ARHGEF17: variants seen among roughly 807,000 people sequenced by gnomAD.
ARHGEF17 encodes the protein Rho guanine nucleotide exchange factor 17.
ARHGEF17 carries 80 observed loss-of-function variants against 174.0 expected under a neutral mutation model. The ratio of observed to expected loss-of-function variants is 0.46; its 90% CI spans 0.38 to 0.55. The LOEUF (loss-of-function observed/expected upper bound fraction) is 0.55, where lower values mean the gene tolerates loss of function less well. ARHGEF17 is among the 20% of genes least tolerant of loss of function. The pLI, the probability that ARHGEF17 is intolerant of heterozygous loss-of-function variation, is 0.00. For synonymous variants in ARHGEF17, 1,311 were observed against 1,189.1 expected, an observed-to-expected ratio of 1.10 and a Z score of -2.11; for missense variants, 2,886 against 2,839.7, an observed-to-expected ratio of 1.02 and a Z score of -0.37.
intron 1 of ARHGEF17, among the ~76,000 whole-genome samples, chr11:73,316,879 G>C (rs1864937210): frequency 6.6e-6 from 1 of 152,238 alleles, no homozygotes; most frequent in Admixed American, 6.5e-5. Flanking sequence ...TGTGAGGCCA[G>C]TCAGAAGGCT....
chr11:73,310,053 T>G lies in ARHGEF17; in HGVS notation c.1415T>G (p.Leu472Arg). The G allele has an allele frequency of 6.2e-7, 1 of 1,614,162 alleles. No homozygotes were observed. The highest frequency in any genetic ancestry group is 8.5e-7 in the Non-Finnish European group (1 of 1,180,022). ...AATCCAGATATCGCCTCAGAGACCCTGACGCTTCTCAGTTTCCTGCGCTCA... is the reference window on the plus strand; with the variant it reads ...AATCCAGATATCGCCTCAGAGACCCGGACGCTTCTCAGTTTCCTGCGCTCA... ...LSNPDIASET[L>R]TLLSFLRSDL... The change falls in exon 1 of 21, where the codon CTG (leucine) becomes CGG (arginine). Residue 472 changes from leucine (L) to arginine (R), a missense_variant. By Grantham distance (102) the Leu-to-Arg change is moderately radical. Transcript: ENST00000263674.
intron 9 of ARHGEF17, among the ~76,000 whole-genome samples, chr11:73,358,208 G>A (rs1565207161): frequency 6.6e-6 from 1 of 152,184 alleles, no homozygotes; most frequent in Non-Finnish European, 1.5e-5. Context: ...TCTTCAGGCT[G>A]TTTTAACAAA....
At chr11:73,358,841 A>G (rs1323351922) in intron 9 of ARHGEF17, among the ~76,000 whole-genome samples, 1 of 152,176 alleles carries the variant, frequency 6.6e-6, no homozygotes, top group Non-Finnish European at 1.5e-5. Flanking sequence ...CATTCAGGCA[A>G]CAGCAGAGCT....
Position 73,363,614 on chromosome 11 carries a change from G to T in ARHGEF17, c.5247-133G>T, listed in dbSNP as rs576825888. On this transcript the variant is annotated intron_variant, in intron 15 of 20. Coordinates refer to ENST00000263674, the MANE Select transcript of ARHGEF17 (RefSeq NM_014786.4). ...CAGTGGGTCTGACAATCCCAGGGAG[G>T]CTGTGGGACCTCAGTACCTTGGGCA... The T allele has an allele frequency of 4.0e-6, 6 of 1,491,314 alleles. No homozygotes were observed. In the Admixed American group the frequency reaches 9.1e-5, roughly 23 times the overall value. 92.4% of individuals were successfully genotyped at this position (1,491,314 alleles called of 1,614,324 possible). A position where few individuals can be genotyped will look rare whatever the true frequency, so the allele number is the denominator to read the frequency against.
rs750522045 is a variant in ARHGEF17, at chr11:73,359,944, C to T, written c.4198C>T (p.Pro1400Ser). The change falls in exon 10 of 21, where the codon CCC becomes TCC. Residue 1400 changes from proline (P) to serine (S), a missense_variant. Pro to Ser is a moderately conservative substitution (Grantham distance 74). Coordinates refer to ENST00000263674, the MANE Select transcript of ARHGEF17 (RefSeq NM_014786.4). ...CAAGCTCTCTGAGAGCCTTGGTTTC[C>T]CCCACCAGGTCTGTGCCCTCTGCCT... is the stretch of plus-strand genomic sequence containing the variant. ...MSKLSESLGF[P>S]HQSLDDALRD... is the part of the protein sequence containing the mutation. 1.9e-6 allele frequency: 3 copies of T among 1,609,008 alleles called. No individual in the cohort carries two copies. In the South Asian group the frequency reaches 3.3e-5, roughly 18 times the overall value.
intron 6 of ARHGEF17, 83 bp downstream of exon 6, chr11:73,356,434 C>T: frequency 2.7e-6 from 4 of 1,469,300 alleles, no homozygotes; most frequent in Non-Finnish European, 2.7e-6. Context: ...TCTGTGGCCA[C>T]CTGGAATCGT....
intron 2 of ARHGEF17, among the ~76,000 whole-genome samples, chr11:73,351,578 C>G (rs1216685505): frequency 1.3e-5 from 2 of 152,150 alleles, no homozygotes; most frequent in African/African-American, 4.8e-5. Flanking sequence ...CCTCCCTGCT[C>G]TATCTTCACA....
intron 3 of ARHGEF17, 152 bp downstream of exon 3, chr11:73,353,164 C>A: frequency 9.8e-7 from 1 of 1,019,106 alleles, no homozygotes; most frequent in Non-Finnish European, 1.4e-6. Flanking sequence ...TTGGTACTTA[C>A]CCCAGCCCCT....
Position 73,311,612 on chromosome 11 carries a change from A to G in ARHGEF17, c.2974A>G (p.Thr992Ala). ...VAVPEPIGFP[T>A]RAHPTLQAPS... The stretch of plus-strand genomic sequence containing the variant: ...TGTGCCAGAACCCATAGGCTTCCCT[A>G]CCCGAGCCCATCCCACGTTGCAGGC... The change falls in exon 1 of 21, where the codon ACC (threonine) becomes GCC (alanine). Residue 992 changes from threonine to alanine, a missense_variant. Physicochemically the swap from Thr to Ala is moderately conservative, Grantham distance 58. This residue lies in a region of ARHGEF17 where 1,728 missense variants were observed against 1,461.2 expected (regional missense o/e 1.18). Coordinates refer to ENST00000263674, the MANE Select transcript of ARHGEF17 (RefSeq NM_014786.4). 6.2e-7 allele frequency: 1 copy of G among 1,612,798 alleles called. No individual in the cohort carries two copies. The highest frequency in any genetic ancestry group is 8.5e-7 in the Non-Finnish European group (1 of 1,179,780).
At chr11:73,344,415 C>T (rs916665500) in intron 1 of ARHGEF17, among the ~76,000 whole-genome samples, 3 of 152,208 alleles carry the variant, frequency 2.0e-5, no homozygotes, top group African/African-American at 4.8e-5. Flanking sequence ...GCATTTGCAG[C>T]GTCAGCCTCC....
chr11:73,319,804 G>C (rs1161572109), intron 1 of ARHGEF17, among the ~76,000 whole-genome samples: 1 of 152,220 alleles, frequency 6.6e-6, no homozygotes, highest in Non-Finnish European at 1.5e-5. Context: ...GCCTCCTGAG[G>C]TGGGTGAGGT....
In ARHGEF17 at chr11:73,311,363, C is replaced by T; in HGVS notation, c.2725C>T (p.Leu909=). 1 of 1,613,362 alleles carries T rather than the reference C, an allele frequency of 6.2e-7. No homozygotes were observed. The highest frequency in any genetic ancestry group is 8.5e-7 in the Non-Finnish European group (1 of 1,180,048). The change falls in exon 1 of 21, where the codon CTG becomes TTG. Residue 909 remains leucine, a synonymous_variant. Coordinates refer to ENST00000263674, the MANE Select transcript of ARHGEF17 (RefSeq NM_014786.4). ...AHRNFHLDPK[L]ADILSPRLIR... ...CCGAAACTTTCACCTTGACCCCAAG[C>T]TGGCTGACATTCTGTCCCCGAGGCT...
chr11:73,314,551 C>G (rs1864897551), intron 1 of ARHGEF17, among the ~76,000 whole-genome samples: 1 of 152,170 alleles, frequency 6.6e-6, no homozygotes, highest in Non-Finnish European at 1.5e-5. Context: ...GGGAGTCAGC[C>G]TGCAGGGGGT....
rs1192307596 is a variant in ARHGEF17 at position 73,309,120 on chromosome 11, C to G, written c.482C>G (p.Pro161Arg). ...CCCGACGGTGCCGCGTGGGAGCCTC[C>G]GGCTCGGGAGTCGCGGCAGCCACCG... Reference protein sequence around the residue: ...PSPDGAAWEPPARESRQPPTP... With the variant: ...PSPDGAAWEPRARESRQPPTP... Residue 161 changes from proline to arginine, a missense_variant, in exon 1 of 21, where the codon CCG (proline) becomes CGG (arginine). Transcript: ENST00000263674. The G allele has an allele frequency of 7.0e-6, 11 of 1,568,628 alleles. No homozygotes were observed. The South Asian group carries it at 1.3e-4, about 18-fold the overall frequency.
rs758793458 is a variant in ARHGEF17, at chr11:73,309,867, C to G, written c.1229C>G (p.Ser410Cys). ...KDDDLWSSRGSGGWGVYRSPS... is the reference protein window; with the variant it reads ...KDDDLWSSRGCGGWGVYRSPS... ...GACGACCTATGGTCTAGTAGGGGTT[C>G]TGGGGGCTGGGGCGTGTACCGCTCC... Residue 410 changes from serine (S) to cysteine (C), a missense_variant, in exon 1 of 21, where the codon TCT becomes TGT. By Grantham distance (112) the Ser-to-Cys change is moderately radical (BLOSUM62 -1). Around this residue, in one of 4 missense-constraint regions of ARHGEF17, gnomAD observed 1,728 missense variants for 1,461.2 expected, o/e 1.18. Coordinates refer to ENST00000263674, the MANE Select transcript of ARHGEF17 (RefSeq NM_014786.4). The G allele has an allele frequency of 1.9e-5, 30 of 1,613,108 alleles. No homozygotes were observed. The Admixed American group carries it at 3.7e-4, about 20-fold the overall frequency.
At chr11:73,333,090 G>A (rs1233227655) in intron 1 of ARHGEF17, among the ~76,000 whole-genome samples, 1 of 152,194 alleles carries the variant, frequency 6.6e-6, no homozygotes, top group Non-Finnish European at 1.5e-5. Flanking sequence ...TTTACCCACG[G>A]AAGAGCTCAT....
chr11:73,358,070 T>G (rs1389635915), intron 9 of ARHGEF17, among the ~76,000 whole-genome samples: 2 of 152,172 alleles, frequency 1.3e-5, no homozygotes, highest in Non-Finnish European at 2.9e-5. Flanking sequence ...TTAAGTTAGG[T>G]GCCCACTCCT....
At position 73,309,833 on chromosome 11, in the gene ARHGEF17, C is replaced by A; in HGVS notation, c.1195C>A (p.Leu399Ile). ...GSSRYSSTET[L>I]KDDDLWSSRG... The stretch of plus-strand genomic sequence containing the variant: ...CAGCCGTTATTCCAGCACGGAGACC[C>A]TCAAGGACGACGACCTATGGTCTAG... Residue 399 changes from leucine to isoleucine, a missense_variant, in exon 1 of 21, where the codon CTC becomes ATC. Leu to Ile is a conservative substitution (Grantham distance 5, BLOSUM62 2). Around this residue, in one of 4 missense-constraint regions of ARHGEF17, gnomAD observed 1,728 missense variants for 1,461.2 expected, o/e 1.18. Coordinates refer to ENST00000263674, the MANE Select transcript of ARHGEF17 (RefSeq NM_014786.4). 1 of 1,613,190 alleles carries A rather than the reference C, an allele frequency of 6.2e-7. No homozygotes were observed. The highest frequency in any genetic ancestry group is 8.5e-7 in the Non-Finnish European group (1 of 1,180,022).
intron 1 of ARHGEF17, among the ~76,000 whole-genome samples, chr11:73,342,716 G>A (rs937753317): frequency 3.9e-5 from 6 of 152,142 alleles, no homozygotes; most frequent in Non-Finnish European, 7.4e-5. Flanking sequence ...AGGTGCGGAC[G>A]GAAAGTACAT....
Sources: gnomAD v4.1 joint callset for allele counts (sites outside exome capture counted in the v4.1 genomes callset) on GRCh38, gnomAD v4.1.1 for gene constraint, gnomAD v4.1.1 regional missense constraint, MANE v1.5 for transcripts, NCBI Gene and HGNC (gene_info 2026-07-23, HGNC 2026-07-21) for gene names.